Variants in ZNF18 observed in about 807,000 individuals in gnomAD.
ZNF18 encodes the protein zinc finger protein 18, also known as heart development-specific gene 1 protein.
Under a neutral mutation model 58.1 loss-of-function variants are expected in ZNF18, and 42 were observed. That is an observed-to-expected ratio of 0.72 (90% CI 0.56 to 0.93). The LOEUF (loss-of-function observed/expected upper bound fraction) is 0.93. Among genes scored for constraint, ZNF18 ranks in the 40% least tolerant of loss-of-function variants. The pLI is 0.00. For synonymous variants in ZNF18, 231 were observed against 239.8 expected, an observed-to-expected ratio of 0.96 and a Z score of 0.34; for missense variants, 540 against 644.2, an observed-to-expected ratio of 0.84 and a Z score of 1.75.
At chr17:12,021,113 C>A in the ZNF18 span, 2 of 544,978 alleles carry the variant, frequency 3.7e-6, no homozygotes, top group Non-Finnish European at 5.4e-6. Context: ...ACGGCAGCCG[C>A]CGGCTTCTCC....
intron 6 of ZNF18, among the ~76,000 whole-genome samples, chr17:11,982,020 T>G (rs1181807176): frequency 6.6e-6 from 1 of 151,840 alleles, no homozygotes; most frequent in African/African-American, 2.4e-5. Flanking sequence ...TCCTGTCTCC[T>G]CCTCTCCCTC....
the ZNF18 span, among the ~76,000 whole-genome samples, chr17:12,003,736 A>G: frequency 2.0e-5 from 3 of 152,212 alleles, no homozygotes; most frequent in African/African-American, 7.2e-5. Context: ...CAAATTTAAA[A>G]AGTCATTCCA....
the ZNF18 span, chr17:12,010,860 T>A: frequency 2.0e-6 from 1 of 489,198 alleles, no homozygotes; most frequent in South Asian, 2.4e-5. Flanking sequence ...CAGGTACTTT[T>A]CTCTTTGTCT....
rs1967318061 is a variant in ZNF18 at position 11,981,185 on chromosome 17, C to G, written c.862+2112G>C. 3.3e-5 allele frequency among the ~76,000 whole-genome samples: 5 copies of G among 152,284 alleles called. No homozygotes were observed. In the South Asian group the frequency reaches 1.0e-3, roughly 32 times the overall value. On this transcript the variant is annotated intron_variant, in intron 6 of 6. Transcript: ENST00000580306. ...GGTTACTGTGACTTCCACAATTATT[C>G]TAGGTCTCCTCCCCGGACAGCCCGA...
At chr17:11,980,338 T>G (rs1967257352) in intron 6 of ZNF18, among the ~76,000 whole-genome samples, 1 of 152,220 alleles carries the variant, frequency 6.6e-6, no homozygotes, top group Non-Finnish European at 1.5e-5. Context: ...GCTGCCCATA[T>G]TTTACTGGGA....
chr17:11,999,879 C>T (rs1032030270), upstream of ZNF18, among the ~76,000 whole-genome samples: 1 of 152,122 alleles, frequency 6.6e-6, no homozygotes, highest in Non-Finnish European at 1.5e-5. Flanking sequence ...AAGACGCAAG[C>T]CTTGCGTGTA....
rs148255186 is a variant in ZNF18 at position 11,978,248 on chromosome 17, C to T, written c.1359G>A (p.Lys453=). The change falls in exon 7 of 7, where the codon AAG becomes AAA. Residue 453 remains lysine (K), a synonymous_variant. Coordinates refer to ENST00000580306, the MANE Select transcript of ZNF18 (RefSeq NM_001303281.2). ...KAFLRSSDFV[K]HQRTHTGEKP... is the part of the protein sequence containing the mutation. ...TCTCTCCCGTGTGAGTTCTCTGATGCTTCACAAAGTCTGAACTCCGCAGAA... is the reference window on the plus strand; with the variant it reads ...TCTCTCCCGTGTGAGTTCTCTGATGTTTCACAAAGTCTGAACTCCGCAGAA... 3.7e-6 allele frequency: 6 copies of T among 1,613,092 alleles called. No homozygotes were observed. In the African/African-American group the frequency reaches 8.0e-5, roughly 22 times the overall value.
At chr17:12,003,148 A>G in the ZNF18 span, among the ~76,000 whole-genome samples, 1 of 152,192 alleles carries the variant, frequency 6.6e-6, no homozygotes, top group Non-Finnish European at 1.5e-5. Context: ...GGGATGTCCT[A>G]GAGGAGATCT....
upstream of ZNF18, among the ~76,000 whole-genome samples, chr17:11,999,874 G>A (rs1968626672): frequency 6.6e-6 from 1 of 152,148 alleles, no homozygotes; most frequent in South Asian, 2.1e-4. Context: ...TAATTAAGAC[G>A]CAAGCCTTGC....
At position 11,991,122 on chromosome 17, in the gene ZNF18, C is replaced by A. The variant is rs1466072260; in HGVS notation, c.429G>T (p.Lys143Asn). The A allele has an allele frequency of 1.2e-6, 2 of 1,614,178 alleles. No individual in the cohort carries two copies. The highest frequency in any genetic ancestry group is 1.7e-6 in the Non-Finnish European group (2 of 1,180,022). The change falls in exon 3 of 7, where the codon AAG becomes AAT. Residue 143 changes from lysine to asparagine, a missense_variant. Physicochemically the swap from Lys to Asn is moderately conservative, Grantham distance 94 (BLOSUM62 0). Transcript: ENST00000580306. ...CCACTTGGCAGCTTGGAGATTCCAT[C>A]TTCTCTGATAAGATGTCCTGTCCTA... Reference protein sequence around the residue: ...QVLGQDILSEKMESPSCQVGE... With the variant: ...QVLGQDILSENMESPSCQVGE...
the ZNF18 span, among the ~76,000 whole-genome samples, chr17:12,012,206 T>C: frequency 6.6e-6 from 1 of 152,190 alleles, no homozygotes; most frequent in Non-Finnish European, 1.5e-5. Context: ...ACATATACAT[T>C]TCTCCTTCTT....
upstream of ZNF18, among the ~76,000 whole-genome samples, chr17:12,000,931 T>G (rs774816704): frequency 6.6e-6 from 1 of 152,090 alleles, no homozygotes; most frequent in Non-Finnish European, 1.5e-5. Flanking sequence ...GACAAGTCAT[T>G]CAAGAAGTTT....
chr17:12,016,567 T>C, the ZNF18 span, among the ~76,000 whole-genome samples: 3 of 152,038 alleles, frequency 2.0e-5, no homozygotes, highest in African/African-American at 7.2e-5. Flanking sequence ...TGACCTCAGG[T>C]GATCCACCCA....
intron 4 of ZNF18, among the ~76,000 whole-genome samples, chr17:11,987,755 T>C (rs1597965039): frequency 6.6e-6 from 1 of 152,182 alleles, no homozygotes; most frequent in African/African-American, 2.4e-5. Flanking sequence ...AAGCAACATC[T>C]TGCTTAACAA....
the ZNF18 span, among the ~76,000 whole-genome samples, chr17:12,017,190 CT>C: frequency 6.6e-6 from 1 of 151,458 alleles, no homozygotes; most frequent in South Asian, 2.1e-4. Context: ...GAGCAAGACT[CT>C]GTCTCAAAAA....
At position 11,977,686 on chromosome 17, in the gene ZNF18, G is replaced by C. The variant is rs557240654; in HGVS notation, c.*271C>G. ...CTTCTAAAACTGGATCTCCAATTTA[G>C]ACTTTTTCCCCGATGGGTCCAAAGG... On this transcript the variant is annotated 3_prime_UTR_variant, in exon 7 of 7. Coordinates refer to ENST00000580306, the MANE Select transcript of ZNF18 (RefSeq NM_001303281.2). 1.7e-5 allele frequency: 6 copies of C among 348,988 alleles called. No homozygotes were observed. In the South Asian group the frequency reaches 4.4e-4, roughly 26 times the overall value. The allele number at this position is 348,988 out of a possible 1,614,324, so 21.6% of individuals were successfully genotyped here.
chr17:11,986,916 A>G (rs1045488505), intron 4 of ZNF18, among the ~76,000 whole-genome samples: 5 of 152,232 alleles, frequency 3.3e-5, no homozygotes, highest in African/African-American at 1.2e-4. Flanking sequence ...AAAAACCAGA[A>G]AAGTTGCTTC....
At chr17:12,001,580 G>A (rs1277759412), upstream of ZNF18, among the ~76,000 whole-genome samples, 1 of 152,124 alleles carries the variant, frequency 6.6e-6, no homozygotes, top group Non-Finnish European at 1.5e-5. Flanking sequence ...AGTGAACCGA[G>A]ATTGCGCCAC....
intron 3 of ZNF18, 120 bp from the exon 4 acceptor site, chr17:11,990,670 T>A (rs1196955298): frequency 1.3e-6 from 1 of 781,892 alleles, no homozygotes; most frequent in Non-Finnish European, 2.1e-6. Flanking sequence ...TACTGCCATC[T>A]ATATTTCAAG....
Sources: allele counts gnomAD v4.1 joint callset (sites outside exome capture counted in the v4.1 genomes callset), GRCh38; gene constraint gnomAD v4.1.1; transcripts MANE v1.5; gene names NCBI Gene and HGNC (gene_info 2026-07-23, HGNC 2026-07-21).